Variants in ST6GALNAC3 observed in about 807,000 individuals in gnomAD.
ST6GALNAC3 encodes the protein ST6 N-acetylgalactosaminide alpha-2,6-sialyltransferase 3.
In ST6GALNAC3, 25 loss-of-function variants were observed where a neutral mutation model predicts 32.7. The observed-to-expected ratio is 0.76, with a 90% CI of 0.56 to 1.07. The LOEUF (loss-of-function observed/expected upper bound fraction) is 1.07. ST6GALNAC3 is among the 50% of genes least tolerant of loss of function. The pLI is 0.00. For missense variants in ST6GALNAC3, 355 were observed against 382.4 expected, an observed-to-expected ratio of 0.93 and a Z score of 0.60; for synonymous variants, 129 against 133.1, an observed-to-expected ratio of 0.97 and a Z score of 0.21.
rs567030807 is a variant in ST6GALNAC3, at chr1:76,243,748, G to A, written c.19-70057G>A. On this transcript the variant is annotated intron_variant, in intron 1 of 4. Coordinates refer to ENST00000328299, the MANE Select transcript of ST6GALNAC3 (RefSeq NM_152996.4). ...GCTTGTTTGTGTCAAGTTTGTTGAA[G>A]ATCAGATGGTTGTAGATGTGTGGTG... Among the ~76,000 whole-genome samples, 6 of 152,292 alleles carry A rather than the reference G, an allele frequency of 3.9e-5. No homozygotes were observed. The East Asian group carries it at 1.2e-3, about 29-fold the overall frequency.
chr1:76,199,502 G>A (rs1468139792), intron 1 of ST6GALNAC3, among the ~76,000 whole-genome samples: 2 of 152,212 alleles, frequency 1.3e-5, no homozygotes, highest in Non-Finnish European at 2.9e-5. Flanking sequence ...ATGATGTCAT[G>A]TAACTAAGTC....
At chr1:76,095,686 T>A (rs1352432692) in intron 1 of ST6GALNAC3, among the ~76,000 whole-genome samples, 1 of 152,206 alleles carries the variant, frequency 6.6e-6, no homozygotes, top group African/African-American at 2.4e-5. Flanking sequence ...TAAATACTAT[T>A]ATTATTTTCA....
intron 3 of ST6GALNAC3, among the ~76,000 whole-genome samples, chr1:76,432,373 C>A (rs1256176018): frequency 7.3e-6 from 1 of 137,334 alleles, no homozygotes; most frequent in Non-Finnish European, 1.6e-5. Flanking sequence ...CTTGTTTGGG[C>A]AAAAAAAATG....
chr1:76,391,283 TATG>T (rs1652525202), intron 2 of ST6GALNAC3, among the ~76,000 whole-genome samples: 1 of 152,122 alleles, frequency 6.6e-6, no homozygotes, highest in South Asian at 2.1e-4. Flanking sequence ...TAGTTGTTAT[TATG>T]ATGACAGTCA....
intron 1 of ST6GALNAC3, among the ~76,000 whole-genome samples, chr1:76,229,670 A>G (rs1014719049): frequency 3.3e-5 from 5 of 152,170 alleles, no homozygotes; most frequent in Non-Finnish European, 4.4e-5. Flanking sequence ...CTCTGTAGGT[A>G]GGTGATTCCA....
chr1:76,609,129 C>T (rs924280283), intron 3 of ST6GALNAC3, among the ~76,000 whole-genome samples: 2 of 152,106 alleles, frequency 1.3e-5, no homozygotes, highest in African/African-American at 4.8e-5. Flanking sequence ...TTTTTGTCTT[C>T]AGCCATTTTC....
At chr1:76,617,655 T>G (rs1328861536) in intron 3 of ST6GALNAC3, among the ~76,000 whole-genome samples, 1 of 152,158 alleles carries the variant, frequency 6.6e-6, no homozygotes, top group Admixed American at 6.6e-5. Context: ...AAGGATTAGT[T>G]GGAAGTAAAG....
chr1:76,478,760 C>CTTTTTTTTTTTTTTTTTTT (rs397861238), intron 3 of ST6GALNAC3, among the ~76,000 whole-genome samples: 9 of 109,052 alleles, frequency 8.3e-5, no homozygotes, highest in African/African-American at 1.1e-4. Context: ...TTTATTAATT[C>CTTTTTTTTTTTTTTTTTTT]TTTTTTTTTT....
chr1:76,457,995 G>T (rs979583389), intron 3 of ST6GALNAC3, among the ~76,000 whole-genome samples: 1 of 148,236 alleles, frequency 6.7e-6, no homozygotes, highest in African/African-American at 2.5e-5. Flanking sequence ...TCTGACAAAG[G>T]GCTAATATCC....
intron 1 of ST6GALNAC3, among the ~76,000 whole-genome samples, chr1:76,192,931 T>C (rs1237484453): frequency 6.6e-6 from 1 of 152,116 alleles, no homozygotes; most frequent in East Asian, 1.9e-4. Context: ...TATCTTCTGC[T>C]TTTTTGCCCA....
At chr1:76,225,289 C>G (rs901009329) in intron 1 of ST6GALNAC3, among the ~76,000 whole-genome samples, 3 of 152,134 alleles carry the variant, frequency 2.0e-5, no homozygotes, top group Non-Finnish European at 4.4e-5. Context: ...GTCCCCATTT[C>G]TATATATAGA....
chr1:76,414,544 A>G (rs985931292), intron 3 of ST6GALNAC3, among the ~76,000 whole-genome samples: 2 of 152,238 alleles, frequency 1.3e-5, no homozygotes, highest in South Asian at 4.1e-4. Context: ...TCTGATATTC[A>G]TTGTCAAATT....
chr1:76,112,821 G>C (rs116833362), intron 1 of ST6GALNAC3, among the ~76,000 whole-genome samples: 1 of 151,356 alleles, frequency 6.6e-6, no homozygotes, highest in Admixed American at 6.6e-5. Context: ...AGATGGGTTG[G>C]TGGCGGGGCA....
At chr1:76,486,146 A>G (rs1288477954) in intron 3 of ST6GALNAC3, among the ~76,000 whole-genome samples, 11 of 152,176 alleles carry the variant, frequency 7.2e-5, no homozygotes, top group Admixed American at 7.2e-4. Context: ...ACTTCCAACT[A>G]TGTGGTCAAT....
intron 1 of ST6GALNAC3, among the ~76,000 whole-genome samples, chr1:76,157,722 A>G (rs1218392320): frequency 2.0e-5 from 3 of 152,188 alleles, no homozygotes; most frequent in East Asian, 1.9e-4. Context: ...TCACAAATGC[A>G]TAATATTATG....
At chr1:76,081,867 C>T (rs984396368) in intron 1 of ST6GALNAC3, among the ~76,000 whole-genome samples, 2 of 152,200 alleles carry the variant, frequency 1.3e-5, no homozygotes, top group Admixed American at 6.5e-5. Context: ...CAACATAGAT[C>T]TGTCCCTTGG....
intron 1 of ST6GALNAC3, among the ~76,000 whole-genome samples, chr1:76,300,613 T>C (rs1660672002): frequency 6.6e-6 from 1 of 151,998 alleles, no homozygotes; most frequent in African/African-American, 2.4e-5. Context: ...AGTGGTAAAC[T>C]GATTAGTATC....
At chr1:76,114,208 A>G (rs1392641659) in intron 1 of ST6GALNAC3, among the ~76,000 whole-genome samples, 4 of 152,154 alleles carry the variant, frequency 2.6e-5, no homozygotes, top group Non-Finnish European at 5.9e-5. Context: ...AAAAAAATGT[A>G]TATATATTTA....
chr1:76,537,996 G>A (rs998559068), intron 3 of ST6GALNAC3, among the ~76,000 whole-genome samples: 2 of 152,128 alleles, frequency 1.3e-5, no homozygotes, highest in African/African-American at 4.8e-5. Flanking sequence ...TGAAAAGGAG[G>A]GACTCCTCCC....
Sources: gnomAD v4.1 joint callset for allele counts (sites outside exome capture counted in the v4.1 genomes callset) on GRCh38, gnomAD v4.1.1 for gene constraint, MANE v1.5 for transcripts, NCBI Gene and HGNC (gene_info 2026-07-23, HGNC 2026-07-21) for gene names.